Variants in GRID2 observed in about 807,000 individuals in gnomAD.
The protein encoded by GRID2 is glutamate receptor ionotropic, delta-2.
A neutral mutation model predicts 114.8 loss-of-function variants in GRID2; 33 were observed. That is an observed-to-expected ratio of 0.29 (90% CI 0.22 to 0.38). GRID2 has a LOEUF of 0.38. Ranked by LOEUF, GRID2 falls within the 10% of genes least tolerant of loss-of-function variation. The pLI, the probability that GRID2 is intolerant of heterozygous loss-of-function variation, is 1.00. For missense variants in GRID2, 1,184 were observed against 1,257.7 expected (o/e 0.94, Z 0.89); for synonymous variants, 505 against 449.9 (o/e 1.12, Z -1.55).
chr4:93,039,463 ATAAT>A (rs1485316622), intron 2 of GRID2, among the ~76,000 whole-genome samples: 1 of 152,082 alleles, frequency 6.6e-6, no homozygotes, highest in African/African-American at 2.4e-5. Context: ...AACTTAAAGT[ATAAT>A]TATATATATA....
chr4:92,525,415 C>T (rs1724994197), intron 1 of GRID2, among the ~76,000 whole-genome samples: 2 of 151,956 alleles, frequency 1.3e-5, no homozygotes, highest in Admixed American at 1.3e-4. Flanking sequence ...CTAAAATCAC[C>T]TAGGGTGATG....
chr4:92,649,096 T>C (rs550893342), intron 2 of GRID2, among the ~76,000 whole-genome samples: 1 of 9,894 alleles, frequency 1.0e-4, no homozygotes, highest in Non-Finnish European at 2.1e-4. Context: ...CTATAGTAAC[T>C]ACTTAACTAC....
At chr4:92,310,753 A>G (rs1216727600) in intron 1 of GRID2, among the ~76,000 whole-genome samples, 1 of 152,032 alleles carries the variant, frequency 6.6e-6, no homozygotes, top group Non-Finnish European at 1.5e-5. Flanking sequence ...TGTTCATTTA[A>G]TCTCTAAGAT....
chr4:92,753,268 T>A (rs1267812639), intron 2 of GRID2, among the ~76,000 whole-genome samples: 1 of 152,168 alleles, frequency 6.6e-6, no homozygotes, highest in Non-Finnish European at 1.5e-5. Flanking sequence ...TTTTTAGTGA[T>A]CTATAGAATG....
intron 13 of GRID2, among the ~76,000 whole-genome samples, chr4:93,585,197 C>A (rs1737404048): frequency 6.6e-6 from 1 of 152,116 alleles, no homozygotes; most frequent in South Asian, 2.1e-4. Flanking sequence ...CAGGATCATA[C>A]TGGCAAACCT....
intron 3 of GRID2, among the ~76,000 whole-genome samples, chr4:93,104,911 T>G (rs547709053): frequency 7.8e-4 from 118 of 152,108 alleles, no homozygotes; most frequent in African/African-American, 2.2e-3. Flanking sequence ...TGAACTAGTT[T>G]ACAGTCCCAC....
At chr4:93,285,095 T>A (rs1310211849) in intron 8 of GRID2, among the ~76,000 whole-genome samples, 1 of 152,096 alleles carries the variant, frequency 6.6e-6, no homozygotes, top group Non-Finnish European at 1.5e-5. Flanking sequence ...AGGCAAAGTG[T>A]TATAATTAAA....
chr4:92,459,861 G>T (rs1309974415), intron 1 of GRID2, among the ~76,000 whole-genome samples: 1 of 150,604 alleles, frequency 6.6e-6, no homozygotes, highest in Admixed American at 6.7e-5. Flanking sequence ...TCAGTTGGAG[G>T]TTTTAGTAGA....
At chr4:93,782,916 CACACACAAACT>C (rs1304987713) in intron 1 of GRID2, among the ~76,000 whole-genome samples, 2 of 151,220 alleles carry the variant, frequency 1.3e-5, no homozygotes, top group Non-Finnish European at 2.9e-5. Context: ...CACACACACA[CACACACAAACT>C]AATCTATCTT....
At position 93,672,904 on chromosome 4, in the gene GRID2, A is replaced by G. The variant is rs565457020; in HGVS notation, c.2360+46469A>G. ...AAGCCCTTTAAAAAAGTTGAATGTA[A>G]AAGGATGATAAGGAGATTACATAGT... is the stretch of plus-strand genomic sequence containing the variant. On this transcript the variant is annotated intron_variant, in intron 14 of 15. Transcript: ENST00000282020. 6.6e-5 allele frequency among the ~76,000 whole-genome samples: 10 copies of G among 152,328 alleles called. No homozygotes were observed. In the East Asian group the frequency reaches 1.9e-3, roughly 29 times the overall value.
intron 2 of GRID2, among the ~76,000 whole-genome samples, chr4:93,070,555 A>C (rs914774798): frequency 6.6e-6 from 1 of 152,108 alleles, no homozygotes; most frequent in Non-Finnish European, 1.5e-5. Flanking sequence ...GCTGCCAACT[A>C]TATGTCTTAA....
chr4:92,655,235 T>A (rs763462482), intron 2 of GRID2, among the ~76,000 whole-genome samples: 3 of 151,942 alleles, frequency 2.0e-5, no homozygotes, highest in Non-Finnish European at 4.4e-5. Context: ...CTCTATTCTG[T>A]CCCATTTGTC....
chr4:92,540,442 A>C (rs2149161884), intron 1 of GRID2, among the ~76,000 whole-genome samples: 1 of 152,290 alleles, frequency 6.6e-6, no homozygotes, highest in Non-Finnish European at 1.5e-5. Flanking sequence ...ACTCAAACAA[A>C]TTTACAAGAA....
intron 8 of GRID2, among the ~76,000 whole-genome samples, chr4:93,367,105 C>T (rs979043232): frequency 6.6e-6 from 1 of 151,768 alleles, no homozygotes; most frequent in Non-Finnish European, 1.5e-5. Context: ...GAATCTATCC[C>T]CAATCTCAAT....
At chr4:92,926,930 C>A (rs952068739) in intron 2 of GRID2, among the ~76,000 whole-genome samples, 2 of 151,904 alleles carry the variant, frequency 1.3e-5, no homozygotes, top group Non-Finnish European at 2.9e-5. Flanking sequence ...GTTCCACTCT[C>A]AACTGTTGCA....
chr4:92,379,369 T>G (rs1308889755), intron 1 of GRID2, among the ~76,000 whole-genome samples: 1 of 151,994 alleles, frequency 6.6e-6, no homozygotes, highest in Admixed American at 6.6e-5. Flanking sequence ...GCAAAATATA[T>G]GGAGATATGG....
chr4:92,401,591 C>T (rs939090613), intron 1 of GRID2, among the ~76,000 whole-genome samples: 2 of 152,120 alleles, frequency 1.3e-5, no homozygotes, highest in Non-Finnish European at 2.9e-5. Flanking sequence ...ATTATGTCTA[C>T]ACTATACTGT....
At chr4:92,478,393 G>A (rs1007853348) in intron 1 of GRID2, among the ~76,000 whole-genome samples, 1 of 152,086 alleles carries the variant, frequency 6.6e-6, no homozygotes, top group Non-Finnish European at 1.5e-5. Context: ...TTGCATTTTA[G>A]TAGCATGACT....
chr4:93,614,595 A>G (rs1741393476), intron 13 of GRID2, among the ~76,000 whole-genome samples: 1 of 152,162 alleles, frequency 6.6e-6, no homozygotes, highest in Admixed American at 6.5e-5. Flanking sequence ...ACAAAATGCT[A>G]TATAAACAAC....
Sources: allele counts gnomAD v4.1 joint callset (sites outside exome capture counted in the v4.1 genomes callset), GRCh38; gene constraint gnomAD v4.1.1; transcripts MANE v1.5; gene names NCBI Gene and HGNC (gene_info 2026-07-23, HGNC 2026-07-21).